Variants in TUSC3 observed in about 807,000 individuals in gnomAD.
TUSC3 encodes dolichyl-diphosphooligosaccharide--protein glycosyltransferase subunit TUSC3.
Under a neutral mutation model 44.8 loss-of-function variants are expected in TUSC3, and 45 were observed. That is an observed-to-expected ratio of 1.00 (90% CI 0.79 to 1.29). TUSC3 has a LOEUF of 1.29. Ranked by LOEUF, TUSC3 falls within the 50% of genes most tolerant of loss-of-function variation. The pLI is 0.00. For missense variants in TUSC3, 519 were observed against 437.9 expected (o/e 1.19, Z -1.65); for synonymous variants, 212 against 152.9 (o/e 1.39, Z -2.85).
the TUSC3 span, among the ~76,000 whole-genome samples, chr8:15,820,555 T>C: frequency 2.0e-5 from 3 of 152,066 alleles, no homozygotes; most frequent in Non-Finnish European, 1.5e-5. Context: ...CTTGACCTCA[T>C]GATCGGCCCA....
the TUSC3 span, among the ~76,000 whole-genome samples, chr8:15,849,763 C>G: frequency 2.8e-4 from 43 of 151,784 alleles, no homozygotes; most frequent in African/African-American, 1.0e-3. Context: ...TGCCCAAGCA[C>G]AATGAACTGT....
the TUSC3 span, among the ~76,000 whole-genome samples, chr8:15,818,823 A>G: frequency 1.1e-4 from 17 of 152,338 alleles, no homozygotes; most frequent in South Asian, 4.1e-4. Flanking sequence ...ATCATACATT[A>G]GTCATTCTGG....
chr8:15,516,982 A>G (rs1453875315), intron 2 of TUSC3, among the ~76,000 whole-genome samples: 2 of 152,228 alleles, frequency 1.3e-5, no homozygotes, highest in Admixed American at 6.5e-5. Context: ...TAAATGTGAT[A>G]GAATTTTAGA....
intron 2 of TUSC3, among the ~76,000 whole-genome samples, chr8:15,503,585 C>A (rs540676156): frequency 6.6e-6 from 1 of 151,998 alleles, no homozygotes; most frequent in Non-Finnish European, 1.5e-5. Context: ...ACACCTGTAG[C>A]CCCAGCTACT....
At chr8:15,513,386 C>T (rs1422451684) in intron 2 of TUSC3, among the ~76,000 whole-genome samples, 1 of 152,078 alleles carries the variant, frequency 6.6e-6, no homozygotes, top group Non-Finnish European at 1.5e-5. Context: ...TTCATTTTAT[C>T]TTTCCTAGGG....
At chr8:15,779,612 G>A in the TUSC3 span, among the ~76,000 whole-genome samples, 2 of 152,024 alleles carry the variant, frequency 1.3e-5, no homozygotes, top group Non-Finnish European at 2.9e-5. Flanking sequence ...AATTTACATC[G>A]ATAATTACTG....
chr8:15,518,422 G>A (rs1801250788), intron 2 of TUSC3, among the ~76,000 whole-genome samples: 1 of 152,084 alleles, frequency 6.6e-6, no homozygotes, highest in African/African-American at 2.4e-5. Flanking sequence ...AATAGAAAAT[G>A]TTATCAAGGC....
chr8:15,768,632 A>G (rs1047835528), downstream of TUSC3, among the ~76,000 whole-genome samples: 1 of 152,198 alleles, frequency 6.6e-6, no homozygotes, highest in African/African-American at 2.4e-5. Context: ...TAAAAAGGAT[A>G]GGAACAGAGG....
At chr8:15,451,980 A>G (rs1286826960) in intron 1 of TUSC3, among the ~76,000 whole-genome samples, 2 of 152,142 alleles carry the variant, frequency 1.3e-5, no homozygotes, top group Non-Finnish European at 2.9e-5. Context: ...CTTTCCACAT[A>G]AAAGGCAGCC....
chr8:15,564,098 G>C (rs1243536783), intron 1 of TUSC3, among the ~76,000 whole-genome samples: 3 of 152,040 alleles, frequency 2.0e-5, no homozygotes, highest in African/African-American at 7.2e-5. Flanking sequence ...ATTACTTGAA[G>C]TTTCAAAATT....
the TUSC3 span, among the ~76,000 whole-genome samples, chr8:15,834,555 C>T: frequency 0.56 from 84,285 of 151,384 alleles, 26,022 homozygotes; most frequent in Non-Finnish European, 0.71. Flanking sequence ...AACAAGTTTT[C>T]ATTAAGAATA....
intron 1 of TUSC3, among the ~76,000 whole-genome samples, chr8:15,597,008 G>A (rs1804100571): frequency 1.3e-5 from 2 of 152,112 alleles, no homozygotes; most frequent in African/African-American, 4.8e-5. Flanking sequence ...ATTAGTTGTG[G>A]AAGGCTAAAG....
chr8:15,795,068 C>G, the TUSC3 span, among the ~76,000 whole-genome samples: 1 of 152,096 alleles, frequency 6.6e-6, no homozygotes, highest in Non-Finnish European at 1.5e-5. Flanking sequence ...CACATTCTTT[C>G]AATTTGTCTT....
intron 2 of TUSC3, among the ~76,000 whole-genome samples, chr8:15,492,856 T>A (rs1800828387): frequency 6.6e-6 from 1 of 151,950 alleles, no homozygotes; most frequent in Admixed American, 6.6e-5. Context: ...ATATAGAATA[T>A]GCAAAATATT....
chr8:15,792,281 G>A, the TUSC3 span, among the ~76,000 whole-genome samples: 1 of 152,188 alleles, frequency 6.6e-6, no homozygotes, highest in African/African-American at 2.4e-5. Context: ...GTTAGAAACA[G>A]GTAACATCAA....
chr8:15,667,058 A>C (rs1585209389), intron 5 of TUSC3, among the ~76,000 whole-genome samples: 1 of 151,658 alleles, frequency 6.6e-6, no homozygotes, highest in Admixed American at 6.6e-5. Context: ...TCTTATTATA[A>C]AGTCACAATT....
At chr8:15,424,311 C>T (rs149906925) in intron 1 of TUSC3, among the ~76,000 whole-genome samples, 24 of 152,050 alleles carry the variant, frequency 1.6e-4, no homozygotes, top group Non-Finnish European at 2.2e-4. Flanking sequence ...AGTGTATCAC[C>T]GCCCCTCAGC....
chr8:15,535,671 T>A (rs1411828594), upstream of TUSC3, among the ~76,000 whole-genome samples: 1 of 152,298 alleles, frequency 6.6e-6, no homozygotes, highest in South Asian at 2.1e-4. Flanking sequence ...CTCTGTCCCA[T>A]GGAGTTTGCA....
intron 2 of TUSC3, among the ~76,000 whole-genome samples, chr8:15,501,664 G>T (rs981119605): frequency 8.5e-5 from 13 of 152,154 alleles, no homozygotes; most frequent in Non-Finnish European, 1.8e-4. Context: ...TTTCGTCAGA[G>T]GCTACATATT....
Sources: allele counts gnomAD v4.1 joint callset (sites outside exome capture counted in the v4.1 genomes callset), GRCh38; gene constraint gnomAD v4.1.1; transcripts MANE v1.5; gene names NCBI Gene and HGNC (gene_info 2026-07-23, HGNC 2026-07-21).